Variants in ISCU observed in about 807,000 individuals in gnomAD.
ISCU encodes the protein iron-sulfur cluster assembly enzyme.
In ISCU, 13 loss-of-function variants were observed where a neutral mutation model predicts 18.4. That is an observed-to-expected ratio of 0.71 (90% CI 0.46 to 1.12). ISCU has a LOEUF of 1.12. ISCU is among the 50% of genes most tolerant of loss of function. The probability of loss-of-function intolerance (pLI) is 0.00; values close to 1 mark genes in which losing one functional copy is unlikely to be tolerated. For missense variants in ISCU, 229 were observed against 208.7 expected (o/e 1.10, Z -0.60); for synonymous variants, 104 against 87.5 (o/e 1.19, Z -1.06).
Position 108,565,493 on chromosome 12 carries a change from C to T in ISCU, c.339+62C>T, listed in dbSNP as rs1158426227. 1.1e-5 allele frequency: 13 copies of T among 1,136,488 alleles called. No homozygotes were observed. In the Admixed American group the frequency reaches 1.6e-4, roughly 14 times the overall value. 70.4% of individuals were successfully genotyped at this position (1,136,488 alleles called of 1,614,324 possible). On this transcript the variant is annotated intron_variant, in intron 3 of 4. Transcript: ENST00000311893. ...GTAACCATGACTTTTTTTTAATATT[C>T]TAAATTTTTAAAATTTCTCCTATGC...
chr12:108,567,293 T>A (rs2030946051), intron 4 of ISCU, 25 bp downstream of exon 4: 2 of 1,577,960 alleles, frequency 1.3e-6, no homozygotes, highest in Admixed American at 3.3e-5. Context: ...TCCATACCAG[T>A]CAGCTGGGAC....
chr12:108,569,009 A>C lies in ISCU; in HGVS notation c.*93A>C. On this transcript the variant is annotated 3_prime_UTR_variant, in exon 5 of 5. Transcript: ENST00000311893. ...GATGTTCAGAAGCCGCTTCCTCTCC[A>C]CTGAAGAGCTATGAGATACGCACAA... is the stretch of plus-strand genomic sequence containing the variant. 1 of 1,025,056 alleles carries C rather than the reference A, an allele frequency of 9.8e-7. No individual in the cohort carries two copies. The highest frequency in any genetic ancestry group is 1.5e-6 in the Non-Finnish European group (1 of 668,910). The allele number at this position is 1,025,056 out of a possible 1,614,324, so 63.5% of individuals were successfully genotyped here. A position where few individuals can be genotyped will look rare whatever the true frequency, so the allele number is the denominator to read the frequency against.
intron 4 of ISCU, chr12:108,568,389 C>CT: frequency 9.2e-7 from 1 of 1,092,820 alleles, no homozygotes; most frequent in Non-Finnish European, 1.1e-6. Flanking sequence ...TTGACATGAT[C>CT]TTTTTTCCAA....
intron 2 of ISCU, 129 bp from the exon 3 acceptor site, chr12:108,565,192 A>G (rs1461334563): frequency 1.4e-6 from 1 of 725,182 alleles, no homozygotes; most frequent in Non-Finnish European, 2.5e-6. Context: ...AAAGTCAGTA[A>G]TTAATGCCAT....
At position 108,564,013 on chromosome 12, in the gene ISCU, A is replaced by G. The variant is rs758572255; in HGVS notation, c.115-266A>G. 4 of 1,285,396 alleles carry G rather than the reference A, an allele frequency of 3.1e-6. No individual in the cohort carries two copies. In the Admixed American group the frequency reaches 5.0e-5, roughly 16 times the overall value. 79.6% of individuals were successfully genotyped at this position (1,285,396 alleles called of 1,614,324 possible). On this transcript the variant is annotated intron_variant, in intron 1 of 4. Transcript: ENST00000311893. ...GTGAAAGTCAAGTATTTTTGTAAAA[A>G]TCCTATGGAACTAAGACATGATTTC...
At position 108,569,355 on chromosome 12, in the gene ISCU, A is replaced by G. The variant is rs1175693921; in HGVS notation, c.*439A>G. 6.2e-6 allele frequency: 1 copy of G among 161,748 alleles called. No homozygotes were observed. The highest frequency in any genetic ancestry group is 1.4e-5 in the Non-Finnish European group (1 of 73,700). 10.0% of individuals were successfully genotyped at this position (161,748 alleles called of 1,614,324 possible). ...ATATATATGTATAAAAAATAATAAA[A>G]TAATGGAAGATGATGGTGTTCTCTA... On this transcript the variant is annotated 3_prime_UTR_variant, in exon 5 of 5. Coordinates refer to ENST00000311893, the MANE Select transcript of ISCU (RefSeq NM_213595.4).
At chr12:108,567,770 A>G in intron 4 of ISCU, 1 of 1,535,386 alleles carries the variant, frequency 6.5e-7, no homozygotes, top group East Asian at 2.4e-5. Context: ...CTGCATCTGT[A>G]TATATGGAAC....
At chr12:108,564,048 T>C (rs919285183) in intron 1 of ISCU, 1 of 1,553,066 alleles carries the variant, frequency 6.4e-7, no homozygotes. Context: ...CACTGATTTT[T>C]TTTTCTTCTA....
rs114721636 is a variant in ISCU, at chr12:108,565,573, A to G, written c.339+142A>G. On this transcript the variant is annotated intron_variant, in intron 3 of 4. Transcript: ENST00000311893. ...ATTGGGAATTATGGATCATTCTACT[A>G]GGTGTTGTTTGGGTTTTTTTCTTGT... The G allele has an allele frequency of 1.8e-3, 1,233 of 671,050 alleles. 8 individuals carry two copies. In the African/African-American group the frequency reaches 0.02, roughly 11 times the overall value. The allele number at this position is 671,050 out of a possible 1,614,324, so 41.6% of individuals were successfully genotyped here. A position where few individuals can be genotyped will look rare whatever the true frequency, so the allele number is the denominator to read the frequency against.
chr12:108,567,086 T>C, intron 3 of ISCU, 104 bp from the exon 4 acceptor site: 1 of 822,652 alleles, frequency 1.2e-6, no homozygotes. Flanking sequence ...ACAGAAATCA[T>C]CCCCACCAAC....
chr12:108,567,322 C>T, intron 4 of ISCU, 54 bp downstream of exon 4: 1 of 1,443,070 alleles, frequency 6.9e-7, no homozygotes, highest in Non-Finnish European at 9.8e-7. Flanking sequence ...GTAATTTCAA[C>T]TTGGTTTGCA....
chr12:108,563,841 CAGTCACCTT>C, intron 1 of ISCU: 1 of 554,752 alleles, frequency 1.8e-6, no homozygotes, highest in South Asian at 2.0e-5. Context: ...CCCTGTGTAA[CAGTCACCTT>C]AAGGCTTCTA....
At chr12:108,562,453 A>C (rs1293553530), upstream of ISCU, 3 of 439,298 alleles carry the variant, frequency 6.8e-6, no homozygotes, top group Non-Finnish European at 1.2e-5. Flanking sequence ...CCCGCCCCCG[A>C]GAGGCGTGGT....
At chr12:108,567,048 GAA>G in intron 3 of ISCU, 140 bp from the exon 4 acceptor site, 1 of 705,870 alleles carries the variant, frequency 1.4e-6, no homozygotes, top group Non-Finnish European at 2.6e-6. Flanking sequence ...GGAGTCCTGA[GAA>G]GACCCTTAGC....
At chr12:108,563,777 G>C (rs904904103) in intron 1 of ISCU, 2 of 399,374 alleles carry the variant, frequency 5.0e-6, no homozygotes, top group Non-Finnish European at 9.4e-6. Context: ...ATACGGTAAT[G>C]GCACTGTTTT....
intron 1 of ISCU, chr12:108,563,204 C>G (rs1442209483): frequency 6.5e-6 from 1 of 153,494 alleles, no homozygotes; most frequent in Non-Finnish European, 1.4e-5. Flanking sequence ...GGCATGGTTC[C>G]TGGCACATAG....
intron 1 of ISCU, 74 bp from the exon 2 acceptor site, chr12:108,564,205 A>C: frequency 6.4e-7 from 1 of 1,562,196 alleles, no homozygotes; most frequent in South Asian, 1.1e-5. Flanking sequence ...ATGCTGACCG[A>C]GGAGCTTACC....
chr12:108,567,777 G>A (rs2030970206), intron 4 of ISCU: 1 of 1,534,336 alleles, frequency 6.5e-7, no homozygotes, highest in Non-Finnish European at 8.7e-7. Context: ...TGTATATATG[G>A]AACAACTAAG....
chr12:108,567,790 C>T lies in ISCU; in HGVS notation c.418+522C>T, dbSNP rs971987777. 3 of 1,531,846 alleles carry T rather than the reference C, an allele frequency of 2.0e-6. No homozygotes were observed. In the African/African-American group the frequency reaches 4.1e-5, roughly 21 times the overall value. 94.9% of individuals were successfully genotyped at this position (1,531,846 alleles called of 1,614,324 possible). On this transcript the variant is annotated intron_variant, in intron 4 of 4. Coordinates refer to ENST00000311893, the MANE Select transcript of ISCU (RefSeq NM_213595.4). ...TCTGTATATATGGAACAACTAAGCCCAGTTGTACAATGTCCCCCTCCCTGC... is the reference window on the plus strand; with the variant it reads ...TCTGTATATATGGAACAACTAAGCCTAGTTGTACAATGTCCCCCTCCCTGC...
Sources: gnomAD v4.1 joint callset for allele counts on GRCh38, gnomAD v4.1.1 for gene constraint, MANE v1.5 for transcripts, NCBI Gene and HGNC (gene_info 2026-07-23, HGNC 2026-07-21) for gene names.